ATXN1: variants seen among roughly 807,000 people sequenced by gnomAD.
The protein encoded by ATXN1 is ataxin-1.
Under a neutral mutation model 56.4 loss-of-function variants are expected in ATXN1, and 8 were observed. That is an observed-to-expected ratio of 0.14 (90% confidence interval 0.08 to 0.26). The LOEUF (loss-of-function observed/expected upper bound fraction) is 0.26. Among genes scored for constraint, ATXN1 ranks in the 10% least tolerant of loss-of-function variants. The probability of loss-of-function intolerance (pLI) is 1.00; values close to 1 mark genes in which losing one functional copy is unlikely to be tolerated. For missense variants in ATXN1, 987 were observed against 1,106.5 expected, an observed-to-expected ratio of 0.89 and a Z score of 1.53; for synonymous variants, 514 against 494.6, an observed-to-expected ratio of 1.04 and a Z score of -0.52.
chr6:16,665,767 G>A (rs142931035), intron 2 of ATXN1, among the ~76,000 whole-genome samples: 2 of 152,290 alleles, frequency 1.3e-5, no homozygotes, highest in African/African-American at 4.8e-5. Context: ...GGGCACCAGA[G>A]GGAAGAGTTA....
At chr6:16,591,601 A>T (rs138252877) in intron 3 of ATXN1, among the ~76,000 whole-genome samples, 15 of 152,178 alleles carry the variant, frequency 9.9e-5, no homozygotes, top group African/African-American at 3.1e-4. Flanking sequence ...GCTCGATGTC[A>T]CTTCCTTTGT....
In ATXN1 at chr6:16,506,378, A is replaced by G. The variant is rs943495949; in HGVS notation, c.-299+16249T>C. ...GTATGATTTTATTTAATAGTTTTAC[A>G]TAAGCAAAGCTGATGTCTCCTCTGA... is the stretch of plus-strand genomic sequence containing the variant. On this transcript the variant is annotated intron_variant, in intron 5 of 7. Transcript: ENST00000436367. This position sits in a 1 kb window ranked among gnomAD's most constrained non-coding sequence, Gnocchi z 4.1. Among the ~76,000 whole-genome samples, 5 of 152,340 alleles carry G rather than the reference A, an allele frequency of 3.3e-5. No homozygotes were observed. The highest frequency in any genetic ancestry group is 1.3e-4 in the Admixed American group (2 of 15,296).
intron 4 of ATXN1, among the ~76,000 whole-genome samples, chr6:16,566,581 C>A (rs965488988): frequency 1.3e-5 from 2 of 152,014 alleles, no homozygotes; most frequent in Non-Finnish European, 1.5e-5. Flanking sequence ...AGGCTGGGCG[C>A]GGTGGCTCAC....
intron 3 of ATXN1, among the ~76,000 whole-genome samples, chr6:16,586,137 G>A (rs1268796048): frequency 6.6e-6 from 1 of 152,068 alleles, no homozygotes; most frequent in East Asian, 1.9e-4. Flanking sequence ...CCAGGGATGA[G>A]TGGGTTCTGG....
At chr6:16,530,588 A>G (rs1477599323) in intron 4 of ATXN1, among the ~76,000 whole-genome samples, 1 of 152,160 alleles carries the variant, frequency 6.6e-6, no homozygotes, top group Non-Finnish European at 1.5e-5. Flanking sequence ...GAACATCTAC[A>G]CTGGAATCTA....
intron 2 of ATXN1, among the ~76,000 whole-genome samples, chr6:16,735,932 C>T (rs1016091801): frequency 3.3e-5 from 5 of 152,114 alleles, no homozygotes; most frequent in African/African-American, 4.8e-5. Context: ...CATTATTTTT[C>T]CCTGCTAGCA....
intron 6 of ATXN1, among the ~76,000 whole-genome samples, chr6:16,449,056 C>T (rs1429400360): frequency 6.6e-6 from 1 of 152,098 alleles, no homozygotes; most frequent in Non-Finnish European, 1.5e-5. Flanking sequence ...TACTGCCAGG[C>T]TTGTGTAGAT....
intron 4 of ATXN1, among the ~76,000 whole-genome samples, chr6:16,544,145 T>C (rs1009901649): frequency 4.6e-5 from 7 of 152,228 alleles, no homozygotes; most frequent in African/African-American, 7.2e-5. Context: ...GTCCCTCGCA[T>C]GCTCCAGGTC....
At chr6:16,387,800 A>AGG (rs1758272341) in intron 6 of ATXN1, among the ~76,000 whole-genome samples, 1 of 152,208 alleles carries the variant, frequency 6.6e-6, no homozygotes, top group African/African-American at 2.4e-5. Context: ...TCCTGTCAAA[A>AGG]ATATAATACC....
At chr6:16,368,096 A>G (rs1487139820) in intron 6 of ATXN1, among the ~76,000 whole-genome samples, 4 of 152,082 alleles carry the variant, frequency 2.6e-5, no homozygotes, top group African/African-American at 9.6e-5. Flanking sequence ...CTCGAACCCA[A>G]GAGGAAGAGG....
chr6:16,380,637 T>G (rs1306034410), intron 6 of ATXN1, among the ~76,000 whole-genome samples: 1 of 152,158 alleles, frequency 6.6e-6, no homozygotes, highest in Non-Finnish European at 1.5e-5. Flanking sequence ...ACACGCGCAT[T>G]CAAATGTGCA....
At chr6:16,500,455 T>C (rs1437411381) in intron 5 of ATXN1, among the ~76,000 whole-genome samples, 1 of 152,198 alleles carries the variant, frequency 6.6e-6, no homozygotes, top group African/African-American at 2.4e-5. Context: ...GGCACCCATC[T>C]TGTGGAATGG....
chr6:16,350,711 T>C (rs1761547570), intron 6 of ATXN1, among the ~76,000 whole-genome samples: 1 of 152,218 alleles, frequency 6.6e-6, no homozygotes, highest in Admixed American at 6.5e-5. Context: ...TATCTGATAG[T>C]GGTGTCCCTA....
chr6:16,731,439 CT>C (rs201673319), intron 2 of ATXN1, among the ~76,000 whole-genome samples: 3,629 of 84,980 alleles, frequency 0.043, 153 homozygotes, highest in African/African-American at 0.13. Context: ...ACGAGAGAGG[CT>C]TTTTTTTTCT....
intron 4 of ATXN1, among the ~76,000 whole-genome samples, chr6:16,529,237 A>G (rs2113704187): frequency 1.3e-5 from 2 of 149,632 alleles, no homozygotes; most frequent in South Asian, 4.2e-4. Flanking sequence ...GAAGATAGCA[A>G]GCGAGGATAT....
chr6:16,326,478 G>A lies in ATXN1; in HGVS notation c.1833C>T (p.Asp611=). ...CTTCAATCCTCTCTACGGTGCTGGA[G>A]TCGATCTTCAGGTCGTTGCTTATCT... ...SAEISNDLKI[D]SSTVERIEDS... The change falls in exon 7 of 8, where the codon GAC becomes GAT. Residue 611 remains aspartate, a synonymous_variant. Coordinates refer to ENST00000436367, the MANE Select transcript of ATXN1 (RefSeq NM_001128164.2). This position sits in a 1 kb window ranked among gnomAD's most constrained non-coding sequence, Gnocchi z 6.6. 6.2e-7 allele frequency: 1 copy of A among 1,614,206 alleles called. No homozygotes were observed. The highest frequency in any genetic ancestry group is 2.2e-5 in the East Asian group (1 of 44,880).
intron 2 of ATXN1, among the ~76,000 whole-genome samples, chr6:16,687,690 ACACACG>A (rs771729067): frequency 6.9e-6 from 1 of 144,980 alleles, no homozygotes; most frequent in Non-Finnish European, 1.5e-5. Flanking sequence ...ACACACACAC[ACACACG>A]GAGGATACAG....
chr6:16,693,593 C>T (rs1759094965), intron 2 of ATXN1, among the ~76,000 whole-genome samples: 1 of 152,122 alleles, frequency 6.6e-6, no homozygotes, highest in Non-Finnish European at 1.5e-5. Context: ...GAACACATGT[C>T]CAGTCACCCA....
chr6:16,570,495 C>T (rs1451537610), intron 4 of ATXN1, among the ~76,000 whole-genome samples: 1 of 152,136 alleles, frequency 6.6e-6, no homozygotes, highest in African/African-American at 2.4e-5. Flanking sequence ...GTAGGACCCA[C>T]GTAGATTAGG....
Sources: allele counts gnomAD v4.1 joint callset (sites outside exome capture counted in the v4.1 genomes callset), GRCh38; gene constraint gnomAD v4.1.1; non-coding constraint Gnocchi (gnomAD v3.1); transcripts MANE v1.5; gene names NCBI Gene and HGNC (gene_info 2026-07-23, HGNC 2026-07-21).